The following ZNF804B variants were observed in gnomAD, a reference collection of about 807,000 sequenced individuals.
ZNF804B encodes the protein zinc finger protein 804B.
A neutral mutation model predicts 101.4 loss-of-function variants in ZNF804B; 80 were observed. That is an observed-to-expected ratio of 0.79 (90% CI 0.66 to 0.95). ZNF804B has a LOEUF of 0.95. ZNF804B is among the 40% of genes least tolerant of loss of function. The pLI is 0.00. For missense variants in ZNF804B, 1,673 were observed against 1,561.9 expected, an observed-to-expected ratio of 1.07 and a Z score of -1.20; for synonymous variants, 622 against 558.8, an observed-to-expected ratio of 1.11 and a Z score of -1.59.
chr7:88,809,366 TCTAC>T (rs1562799813), intron 1 of ZNF804B, among the ~76,000 whole-genome samples: 2 of 147,072 alleles, frequency 1.4e-5, no homozygotes, highest in Non-Finnish European at 1.5e-5. Flanking sequence ...TACCTATCTA[TCTAC>T]CTACCTACTT....
At chr7:88,910,166 C>T in intron 1 of ZNF804B, among the ~76,000 whole-genome samples, 1 of 151,888 alleles carries the variant, frequency 6.6e-6, no homozygotes, top group African/African-American at 2.4e-5. Flanking sequence ...TAGAACACAG[C>T]AAGCTTAACC....
intron 2 of ZNF804B, among the ~76,000 whole-genome samples, chr7:89,286,990 T>G (rs984291991): frequency 2.6e-5 from 4 of 152,156 alleles, no homozygotes; most frequent in African/African-American, 9.7e-5. Flanking sequence ...CTCCTTTTCC[T>G]CCTTCTCAGC....
At chr7:88,768,333 G>A (rs1191523222) in intron 1 of ZNF804B, among the ~76,000 whole-genome samples, 1 of 152,188 alleles carries the variant, frequency 6.6e-6, no homozygotes, top group African/African-American at 2.4e-5. Context: ...GAAAATTGGG[G>A]CTAGCTCTAC....
chr7:89,183,125 A>G (rs1788322710), intron 1 of ZNF804B, among the ~76,000 whole-genome samples: 1 of 152,170 alleles, frequency 6.6e-6, no homozygotes, highest in African/African-American at 2.4e-5. Context: ...TAAAATATAA[A>G]CATGTGGCAA....
At chr7:89,307,058 C>T (rs1440883858) in intron 2 of ZNF804B, among the ~76,000 whole-genome samples, 1 of 151,972 alleles carries the variant, frequency 6.6e-6, no homozygotes, top group Non-Finnish European at 1.5e-5. Flanking sequence ...TCTTCATACA[C>T]TCAATGATAC....
intron 1 of ZNF804B, among the ~76,000 whole-genome samples, chr7:88,776,007 G>T (rs1325178051): frequency 6.6e-6 from 1 of 152,160 alleles, no homozygotes; most frequent in Non-Finnish European, 1.5e-5. Flanking sequence ...TGATTTTAGA[G>T]TTGGACTGAG....
intron 1 of ZNF804B, among the ~76,000 whole-genome samples, chr7:89,174,436 C>CT (rs1791287210): frequency 6.6e-6 from 1 of 151,884 alleles, no homozygotes. Context: ...CATCCCTTTC[C>CT]TTTTTTATGG....
rs768979786 is a variant in ZNF804B, at chr7:89,336,020, A to G, written c.3038A>G (p.Asn1013Ser). Residue 1013 changes from asparagine to serine, a missense_variant, in exon 4 of 4, where the codon AAT becomes AGT. By Grantham distance (46) the Asn-to-Ser change is conservative. Coordinates refer to ENST00000333190, the MANE Select transcript of ZNF804B (RefSeq NM_181646.5). ...AAAAGCAAAAGTTCACACACAAATA[A>G]TTTTACAATTTTAGCAGACACTGAT... ...KDKSKSSHTN[N>S]FTILADTDCD... 6.2e-7 allele frequency: 1 copy of G among 1,614,016 alleles called. No homozygotes were observed. Among genetic ancestry groups the G allele is most frequent in the South Asian group, 1.1e-5 (1 of 91,080 alleles).
chr7:88,778,646 T>G (rs1258989975), intron 1 of ZNF804B, among the ~76,000 whole-genome samples: 1 of 152,244 alleles, frequency 6.6e-6, no homozygotes, highest in African/African-American at 2.4e-5. Flanking sequence ...AATATTTTTC[T>G]GTAGTCCCTC....
chr7:89,302,647 T>A (rs1014661332), intron 2 of ZNF804B, among the ~76,000 whole-genome samples: 2 of 151,978 alleles, frequency 1.3e-5, no homozygotes, highest in Non-Finnish European at 2.9e-5. Flanking sequence ...TCAGTCCATT[T>A]TGCAATCTAG....
At chr7:88,967,858 C>A (rs1298793222) in intron 1 of ZNF804B, among the ~76,000 whole-genome samples, 2 of 151,346 alleles carry the variant, frequency 1.3e-5, no homozygotes, top group East Asian at 3.9e-4. Context: ...GTACTGTAGG[C>A]CTTTGCTACC....
intron 1 of ZNF804B, among the ~76,000 whole-genome samples, chr7:88,968,148 A>C (rs1793484036): frequency 2.2e-5 from 1 of 46,248 alleles, no homozygotes. Flanking sequence ...GAATTTTTCA[A>C]GAACTAAAAT....
At chr7:89,028,420 C>T (rs752204426) in intron 1 of ZNF804B, among the ~76,000 whole-genome samples, 3 of 152,102 alleles carry the variant, frequency 2.0e-5, no homozygotes, top group South Asian at 2.1e-4. Flanking sequence ...GCTTCAAACA[C>T]CAGTTGAGGT....
intron 1 of ZNF804B, among the ~76,000 whole-genome samples, chr7:89,020,013 T>C (rs564808509): frequency 5.9e-5 from 9 of 152,096 alleles, no homozygotes; most frequent in Non-Finnish European, 1.2e-4. Flanking sequence ...TCGCTTCATA[T>C]TTTCTCTCTT....
intron 1 of ZNF804B, among the ~76,000 whole-genome samples, chr7:89,171,360 TCCTCTTCC>T (rs1791230105): frequency 6.3e-5 from 7 of 111,654 alleles, no homozygotes; most frequent in Admixed American, 4.4e-4. Flanking sequence ...TTCTTCTTCC[TCCTCTTCC>T]TCTTCTTCCT....
intron 1 of ZNF804B, among the ~76,000 whole-genome samples, chr7:88,979,311 G>A (rs1793662846): frequency 6.6e-6 from 1 of 151,864 alleles, no homozygotes; most frequent in South Asian, 2.1e-4. Flanking sequence ...TGCTCAGTAA[G>A]TCCCTTTTCC....
chr7:89,153,702 T>A (rs1174835681), intron 1 of ZNF804B, among the ~76,000 whole-genome samples: 1 of 152,128 alleles, frequency 6.6e-6, no homozygotes, highest in Non-Finnish European at 1.5e-5. Context: ...CTTTCTCACA[T>A]CAGATTTTAC....
intron 1 of ZNF804B, among the ~76,000 whole-genome samples, chr7:89,069,500 A>AT (rs111620007): frequency 2.0e-5 from 3 of 151,998 alleles, no homozygotes; most frequent in Admixed American, 6.6e-5. Flanking sequence ...CATTCCTTTA[A>AT]TTTTTTTTAA....
intron 1 of ZNF804B, among the ~76,000 whole-genome samples, chr7:89,164,889 GT>G (rs971148615): frequency 6.6e-6 from 1 of 151,868 alleles, no homozygotes; most frequent in African/African-American, 2.4e-5. Flanking sequence ...TGTATTTGGT[GT>G]TTTTTATTTG....
Sources: gnomAD v4.1 joint callset for allele counts (sites outside exome capture counted in the v4.1 genomes callset) on GRCh38, gnomAD v4.1.1 for gene constraint, MANE v1.5 for transcripts, NCBI Gene and HGNC (gene_info 2026-07-23, HGNC 2026-07-21) for gene names.